The following TCAIM variants were observed in gnomAD, a reference collection of about 807,000 sequenced individuals.
TCAIM encodes the protein T cell activation inhibitor, mitochondrial.
In TCAIM, 36 loss-of-function variants were observed where a neutral mutation model predicts 58.6. The observed-to-expected ratio is 0.61, with a 90% confidence interval of 0.47 to 0.81. The LOEUF (loss-of-function observed/expected upper bound fraction) is 0.81. Ranked by LOEUF, TCAIM falls within the 30% of genes least tolerant of loss-of-function variation. The pLI is 0.00. For missense variants in TCAIM, 466 were observed against 579.6 expected (o/e 0.80, Z 2.01); for synonymous variants, 172 against 193.6 (o/e 0.89, Z 0.93).
chr3:44,388,164 A>G (rs984301652), intron 5 of TCAIM, among the ~76,000 whole-genome samples: 3 of 152,104 alleles, frequency 2.0e-5, no homozygotes, highest in Non-Finnish European at 4.4e-5. Flanking sequence ...AAAACATTAT[A>G]TAAGAAAATA....
intron 6 of TCAIM, 99 bp from the exon 7 acceptor site, chr3:44,396,301 G>C (rs990556942): frequency 2.2e-6 from 2 of 899,648 alleles, no homozygotes; most frequent in African/African-American, 3.4e-5. Flanking sequence ...TTCAAAAAGA[G>C]ACTCATTGGC....
chr3:44,406,897 T>TAAGA (rs1702109539), intron 10 of TCAIM, among the ~76,000 whole-genome samples: 1 of 152,144 alleles, frequency 6.6e-6, no homozygotes, highest in South Asian at 2.1e-4. Flanking sequence ...AGACCTGAAC[T>TAAGA]GAAGCCCCTG....
intron 4 of TCAIM, chr3:44,362,310 C>A (rs1356145667): frequency 2.5e-6 from 1 of 398,522 alleles, no homozygotes; most frequent in African/African-American, 2.1e-5. Flanking sequence ...AGCTGTGTGA[C>A]CTTTAACTTT....
At chr3:44,363,192 T>C (rs1316161051) in intron 4 of TCAIM, among the ~76,000 whole-genome samples, 2 of 152,196 alleles carry the variant, frequency 1.3e-5, no homozygotes, top group Non-Finnish European at 2.9e-5. Flanking sequence ...GTGGAAAACT[T>C]AGGAAGTTTC....
At position 44,355,092 on chromosome 3, in the gene TCAIM, T is replaced by C. The variant is rs1166755315; in HGVS notation, c.29+281T>C. ...TCTTAACACAATTCACTTTATGGTATTATGTTTCAAGCATCTAGGGCACAC... is the reference window on the plus strand; with the variant it reads ...TCTTAACACAATTCACTTTATGGTACTATGTTTCAAGCATCTAGGGCACAC... On this transcript the variant is annotated intron_variant, in intron 2 of 10. Coordinates refer to ENST00000342649, the MANE Select transcript of TCAIM (RefSeq NM_173826.4). 2.6e-5 allele frequency among the ~76,000 whole-genome samples: 4 copies of C among 152,224 alleles called. No individual in the cohort carries two copies. The East Asian group carries it at 7.7e-4, about 29-fold the overall frequency.
intron 6 of TCAIM, among the ~76,000 whole-genome samples, chr3:44,395,547 C>T (rs541312564): frequency 6.6e-6 from 1 of 152,214 alleles, no homozygotes; most frequent in Admixed American, 6.5e-5. Context: ...TGACAGCACT[C>T]GAGACCGGTG....
chr3:44,364,220 C>T (rs1295469848), intron 4 of TCAIM, among the ~76,000 whole-genome samples: 2 of 150,350 alleles, frequency 1.3e-5, no homozygotes, highest in Non-Finnish European at 3.0e-5. Flanking sequence ...AGCCACCGCA[C>T]CTGGCTGAGA....
intron 10 of TCAIM, 71 bp from the exon 11 acceptor site, chr3:44,407,371 A>G: frequency 8.3e-7 from 1 of 1,206,384 alleles, no homozygotes; most frequent in Non-Finnish European, 1.1e-6. Context: ...ATATATTTAC[A>G]TTGTGTGTTC....
In TCAIM at chr3:44,366,488, CAG is replaced by C. The variant is rs1701378007; in HGVS notation, c.320-965_320-964del. ...GTTTTTTTTTTTTTTTTTTTTGAGA[CAG>C]AGTCTCGCTCTGTCACCCAGGTTGG... On this transcript the variant is annotated intron_variant, in intron 4 of 10. Coordinates refer to ENST00000342649, the MANE Select transcript of TCAIM (RefSeq NM_173826.4). Among the ~76,000 whole-genome samples the C allele has an allele frequency of 4.9e-5, 6 of 123,232 alleles. No homozygotes were observed. The South Asian group carries it at 8.2e-4, about 17-fold the overall frequency. 80.8% of individuals were successfully genotyped at this position (123,232 alleles called of 152,430 possible).
At chr3:44,351,679 G>C (rs1701092170) in intron 1 of TCAIM, among the ~76,000 whole-genome samples, 1 of 151,692 alleles carries the variant, frequency 6.6e-6, no homozygotes, top group Admixed American at 6.6e-5. Context: ...ATTTTTTGTA[G>C]AGATGGGGTT....
chr3:44,366,745 C>A (rs1559568238), intron 4 of TCAIM, among the ~76,000 whole-genome samples: 1 of 151,846 alleles, frequency 6.6e-6, no homozygotes, highest in African/African-American at 2.4e-5. Context: ...GGATTACAGG[C>A]ATGAGCCACC....
intron 2 of TCAIM, among the ~76,000 whole-genome samples, chr3:44,355,170 G>T (rs185706371): frequency 4.6e-5 from 7 of 152,300 alleles, no homozygotes; most frequent in African/African-American, 1.7e-4. Context: ...GAATACAAAA[G>T]GGAAGGTTCT....
At chr3:44,352,277 GTTA>G (rs1448336453) in intron 1 of TCAIM, among the ~76,000 whole-genome samples, 6 of 151,974 alleles carry the variant, frequency 3.9e-5, no homozygotes, top group African/African-American at 9.7e-5. Flanking sequence ...TTATCTGATG[GTTA>G]TTATGCAAAT....
At chr3:44,356,729 G>A (rs1386288982) in intron 2 of TCAIM, among the ~76,000 whole-genome samples, 2 of 151,630 alleles carry the variant, frequency 1.3e-5, no homozygotes, top group Admixed American at 1.3e-4. Flanking sequence ...ACTTTGGGAG[G>A]CTGAGGCGGG....
intron 1 of TCAIM, among the ~76,000 whole-genome samples, chr3:44,349,241 A>G (rs1300495413): frequency 3.3e-5 from 5 of 152,162 alleles, no homozygotes; most frequent in Non-Finnish European, 5.9e-5. Flanking sequence ...ACCGACGTGT[A>G]AAAGAATGCC....
At position 44,374,860 on chromosome 3, in the gene TCAIM, A is replaced by G. The variant is rs115234602; in HGVS notation, c.572+7152A>G. 8.9e-3 allele frequency among the ~76,000 whole-genome samples: 1,354 copies of G among 152,338 alleles called. 19 individuals carry two copies. The highest frequency in any genetic ancestry group is 0.031 in the African/African-American group (1,307 of 41,580). On this transcript the variant is annotated intron_variant, in intron 5 of 10. Transcript: ENST00000342649. ...ATTGGTCTAAACTCCTTTGTTTTAT[A>G]CAGTTTGAAGCCTAGGAGTGTAAAA...
chr3:44,363,632 A>G (rs1701325047), intron 4 of TCAIM, among the ~76,000 whole-genome samples: 1 of 152,222 alleles, frequency 6.6e-6, no homozygotes, highest in Non-Finnish European at 1.5e-5. Context: ...GAGGAAGTAA[A>G]TGTTGTTATT....
chr3:44,370,340 C>T (rs1701444581), intron 5 of TCAIM, among the ~76,000 whole-genome samples: 1 of 151,708 alleles, frequency 6.6e-6, no homozygotes, highest in Non-Finnish European at 1.5e-5. Context: ...CCTGTAGTCC[C>T]AGCTACTCAA....
chr3:44,353,809 G>T (rs1701139966), intron 1 of TCAIM, among the ~76,000 whole-genome samples: 1 of 152,070 alleles, frequency 6.6e-6, no homozygotes, highest in South Asian at 2.1e-4. Flanking sequence ...GGAGTTCTTT[G>T]TACATTTTGG....
Sources: allele counts gnomAD v4.1 joint callset (sites outside exome capture counted in the v4.1 genomes callset), GRCh38; gene constraint gnomAD v4.1.1; transcripts MANE v1.5; gene names NCBI Gene and HGNC (gene_info 2026-07-23, HGNC 2026-07-21).